EBF2: variants seen among roughly 807,000 people sequenced by gnomAD.
The protein encoded by EBF2 is EBF transcription factor 2.
A neutral mutation model predicts 72.8 loss-of-function variants in EBF2; 21 were observed. The ratio of observed to expected loss-of-function variants is 0.29; its 90% CI spans 0.20 to 0.42. The LOEUF is 0.42. EBF2 is among the 10% of genes least tolerant of loss of function. EBF2 has a pLI of 1.00. For missense variants in EBF2, 637 were observed against 731.2 expected, an observed-to-expected ratio of 0.87 and a Z score of 1.49; for synonymous variants, 299 against 274.2, an observed-to-expected ratio of 1.09 and a Z score of -0.89.
chr8:26,034,751 T>C (rs1462066863), intron 5 of EBF2, among the ~76,000 whole-genome samples: 1 of 152,232 alleles, frequency 6.6e-6, no homozygotes, highest in Non-Finnish European at 1.5e-5. Context: ...TTATCATCCA[T>C]ACTGGTTGGA....
rs1805573297 is a variant in EBF2, at chr8:26,040,104, G to A, written c.409-3C>T. 6.2e-7 allele frequency: 1 copy of A among 1,613,778 alleles called. No homozygotes were observed. The highest frequency in any genetic ancestry group is 8.5e-7 in the Non-Finnish European group (1 of 1,179,758). ...TTCTGTCCCTCGTAAGCGATGGGCT[G>A]TGAAGGAGGTAGTGGCAGGAAAGGA... On this transcript the variant is annotated splice_polypyrimidine_tract_variant and splice_region_variant and intron_variant, in intron 4 of 15. Transcript: ENST00000520164.
chr8:25,922,603 A>C (rs1203819086), intron 6 of EBF2, among the ~76,000 whole-genome samples: 6 of 152,246 alleles, frequency 3.9e-5, no homozygotes, highest in Non-Finnish European at 8.8e-5. Context: ...ACTCACATCC[A>C]TATATTTCAT....
At chr8:26,010,448 C>A (rs771942464) in intron 6 of EBF2, among the ~76,000 whole-genome samples, 2 of 152,198 alleles carry the variant, frequency 1.3e-5, no homozygotes, top group Non-Finnish European at 2.9e-5. Flanking sequence ...CCTGTGCTGG[C>A]CTCCTGCTTA....
intron 10 of EBF2, among the ~76,000 whole-genome samples, chr8:25,882,218 C>A (rs2117284907): frequency 6.6e-6 from 1 of 152,278 alleles, no homozygotes; most frequent in African/African-American, 2.4e-5. Flanking sequence ...CCACAGCCTG[C>A]CCGTCTGCAT....
intron 6 of EBF2, among the ~76,000 whole-genome samples, chr8:25,954,014 ATC>A (rs1283390782): frequency 1.3e-5 from 2 of 152,146 alleles, no homozygotes; most frequent in African/African-American, 4.8e-5. Context: ...GTGTGTTAGT[ATC>A]TCTTTATTTA....
At position 25,889,850 on chromosome 8, in the gene EBF2, A is replaced by G; in HGVS notation, c.653T>C (p.Val218Ala). 6.2e-7 allele frequency: 1 copy of G among 1,613,842 alleles called. No homozygotes were observed. Residue 218 changes from valine to alanine, a missense_variant, in exon 8 of 16, where the codon GTG (valine) becomes GCG (alanine). By Grantham distance (64) the Val-to-Ala change is moderately conservative (BLOSUM62 0). Transcript: ENST00000520164. ...AGCCAGGACGTGTCCATCCACATTC[A>G]CCGTTGTTGACAACACAACCTGCAT... ...RRFQVVLSTT[V>A]NVDGHVLAVS...
chr8:25,845,862 T>C (rs1484330928), intron 15 of EBF2, among the ~76,000 whole-genome samples: 8 of 152,230 alleles, frequency 5.3e-5, no homozygotes, highest in Admixed American at 4.6e-4. Context: ...TTATTCAATA[T>C]AATAGAAGCA....
At position 26,044,889 on chromosome 8, in the gene EBF2, T is replaced by TA. The variant is rs771770041; in HGVS notation, c.-31dup. Reference sequence around the variant, plus strand: ...AAAGTCTGATCCTCTACTGTCGCTTTAAAAGTAAGAGTTACAACACAGTCC... The same window carrying TA: ...AAAGTCTGATCCTCTACTGTCGCTTTAAAAAGTAAGAGTTACAACACAGTCC... On this transcript the variant is annotated 5_prime_UTR_variant, in exon 1 of 16. Coordinates refer to ENST00000520164, the MANE Select transcript of EBF2 (RefSeq NM_022659.4). The surrounding 1 kb of genome is among the most constrained non-coding windows in gnomAD (Gnocchi z 4.1). 112 of 1,611,304 alleles carry TA rather than the reference T, an allele frequency of 7.0e-5. 1 individual carries two copies. In the African/African-American group the frequency reaches 1.3e-3, roughly 18 times the overall value.
intron 5 of EBF2, among the ~76,000 whole-genome samples, chr8:26,036,322 A>G (rs1320661300): frequency 6.6e-6 from 1 of 152,088 alleles, no homozygotes; most frequent in Non-Finnish European, 1.5e-5. Flanking sequence ...TCAAAGAAAA[A>G]TGCAGATAAA....
At chr8:25,961,206 C>T (rs1804029347) in intron 6 of EBF2, among the ~76,000 whole-genome samples, 2 of 152,112 alleles carry the variant, frequency 1.3e-5, no homozygotes, top group African/African-American at 4.8e-5. Flanking sequence ...TTATATTATT[C>T]TTTCTACTTT....
At chr8:25,965,578 T>C (rs754670898) in intron 6 of EBF2, among the ~76,000 whole-genome samples, 2 of 152,212 alleles carry the variant, frequency 1.3e-5, no homozygotes, top group Non-Finnish European at 2.9e-5. Context: ...CTGTCAACTT[T>C]CAGCAGGAGA....
At chr8:25,860,978 T>C (rs940514874) in intron 13 of EBF2, 71 bp downstream of exon 13, 7 of 1,573,956 alleles carry the variant, frequency 4.4e-6, no homozygotes, top group Non-Finnish European at 6.1e-6. Flanking sequence ...ACCCAACCTC[T>C]GACTCTGTCC....
chr8:26,017,396 A>G (rs1223804312), intron 6 of EBF2, among the ~76,000 whole-genome samples: 1 of 152,142 alleles, frequency 6.6e-6, no homozygotes, highest in African/African-American at 2.4e-5. Flanking sequence ...CAGTTTCCAG[A>G]GGAAGATCTC....
intron 10 of EBF2, among the ~76,000 whole-genome samples, chr8:25,877,337 C>T (rs777416852): frequency 5.3e-5 from 8 of 152,166 alleles, no homozygotes; most frequent in East Asian, 1.9e-4. Flanking sequence ...CTCTCCTCTC[C>T]GCCTAGGCTA....
intron 15 of EBF2, 26 bp from the exon 16 acceptor site, chr8:25,844,666 T>C: frequency 4.3e-6 from 7 of 1,613,718 alleles, no homozygotes; most frequent in Non-Finnish European, 5.9e-6. Flanking sequence ...GGCACAGGAA[T>C]GAGACTTGGG....
intron 6 of EBF2, among the ~76,000 whole-genome samples, chr8:25,940,136 A>G (rs1040156564): frequency 2.6e-5 from 4 of 152,232 alleles, no homozygotes; most frequent in Non-Finnish European, 5.9e-5. Flanking sequence ...AGAATAGACT[A>G]TTAGAACTGG....
chr8:25,990,897 G>T (rs753727230), intron 6 of EBF2, among the ~76,000 whole-genome samples: 3 of 152,174 alleles, frequency 2.0e-5, no homozygotes, highest in Non-Finnish European at 4.4e-5. Flanking sequence ...CCAAATTTGG[G>T]TTAGCACAAA....
chr8:25,909,423 C>T (rs1300653160), intron 6 of EBF2, among the ~76,000 whole-genome samples: 1 of 143,904 alleles, frequency 6.9e-6, no homozygotes, highest in Non-Finnish European at 1.5e-5. Flanking sequence ...AAAAAAAATC[C>T]AGCTTTTGCA....
rs941190383 is a variant in EBF2 at position 25,895,923 on chromosome 8, A to G, written c.634-6054T>C. 2.7e-5 allele frequency among the ~76,000 whole-genome samples: 4 copies of G among 149,724 alleles called. No individual in the cohort carries two copies. In the South Asian group the frequency reaches 6.4e-4, roughly 24 times the overall value. On this transcript the variant is annotated intron_variant, in intron 7 of 15. Transcript: ENST00000520164. ...TGGCTTTTTGGAACACCGTGTGTGT[A>G]TGTGTGTGTGTGTGTGTGTGTGTGT...
Sources: allele counts gnomAD v4.1 joint callset (sites outside exome capture counted in the v4.1 genomes callset), GRCh38; gene constraint gnomAD v4.1.1; non-coding constraint Gnocchi (gnomAD v3.1); transcripts MANE v1.5; gene names NCBI Gene and HGNC (gene_info 2026-07-23, HGNC 2026-07-21).